The following SLC28A2 variants were observed in gnomAD, a reference collection of about 807,000 sequenced individuals.
SLC28A2 encodes the protein sodium/nucleoside cotransporter 2.
A neutral mutation model predicts 72.9 loss-of-function variants in SLC28A2; 69 were observed. The ratio of observed to expected loss-of-function variants is 0.95; its 90% CI spans 0.78 to 1.16. The LOEUF (loss-of-function observed/expected upper bound fraction) is 1.16, where lower values mean the gene tolerates loss of function less well. Ranked by LOEUF, SLC28A2 falls within the 50% of genes most tolerant of loss-of-function variation. The pLI is 0.00. For synonymous variants in SLC28A2, 296 were observed against 294.1 expected, an observed-to-expected ratio of 1.01 and a Z score of -0.07; for missense variants, 745 against 791.1, an observed-to-expected ratio of 0.94 and a Z score of 0.70.
rs755074906 is a variant in SLC28A2 at position 45,275,436 on chromosome 15, C to T, written c.1900C>T (p.Pro634Ser). ...CACCAACCCTCCTTCTTTTTCTGGT[C>T]CCTGGGAAGATAAGGAGTTCAGTGC... ...NGTNPPSFSG[P>S]WEDKEFSAMA... is the part of the protein sequence containing the mutation. The change falls in exon 18 of 18, where the codon CCC (proline) becomes TCC (serine). Residue 634 changes from proline to serine, a missense_variant. Pro to Ser is a moderately conservative substitution (Grantham distance 74). Transcript: ENST00000347644. 1 of 1,613,644 alleles carries T rather than the reference C, an allele frequency of 6.2e-7. No individual in the cohort carries two copies. Among genetic ancestry groups the T allele is most frequent in the South Asian group, 1.1e-5 (1 of 91,058 alleles).
At chr15:45,258,276 C>A (rs113183442) in intron 3 of SLC28A2, among the ~76,000 whole-genome samples, 2 of 49,266 alleles carry the variant, frequency 4.1e-5, no homozygotes. Flanking sequence ...TATTATTATT[C>A]TTAATTTATG....
intron 17 of SLC28A2, among the ~76,000 whole-genome samples, chr15:45,274,560 G>A (rs979087446): frequency 1.3e-5 from 2 of 152,138 alleles, no homozygotes; most frequent in Non-Finnish European, 2.9e-5. Context: ...TCACTACATA[G>A]CTAGATATTC....
In SLC28A2 at chr15:45,275,417, CCCT is replaced by C. The variant is rs1161973387; in HGVS notation, c.1885_1887del (p.Pro629del). 6.2e-7 allele frequency: 1 copy of C among 1,602,326 alleles called. No homozygotes were observed. Among genetic ancestry groups the C allele is most frequent in the Non-Finnish European group, 8.6e-7 (1 of 1,169,336 alleles). On this transcript the variant is annotated inframe_deletion, in exon 18 of 18. Coordinates refer to ENST00000347644, the MANE Select transcript of SLC28A2 (RefSeq NM_004212.4). ...GCAGTACTTCTCTGAATGGCACCAACCCTCCTTCTTTTTCTGGTCCCTGGGAAG... is the reference window on the plus strand; with the variant it reads ...GCAGTACTTCTCTGAATGGCACCAACCCTTCTTTTTCTGGTCCCTGGGAAG...
chr15:45,253,742 A>C, intron 3 of SLC28A2: 13 of 394,342 alleles, frequency 3.3e-5, no homozygotes, highest in Non-Finnish European at 5.1e-5. Flanking sequence ...AATAATAACA[A>C]TGGTAATAAT....
intron 13 of SLC28A2, 36 bp from the exon 14 acceptor site, chr15:45,269,302 T>A: frequency 6.3e-7 from 1 of 1,575,798 alleles, no homozygotes; most frequent in South Asian, 1.1e-5. Flanking sequence ...GTTATATTAG[T>A]CCTTCCTTTT....
chr15:45,272,499 A>G, intron 16 of SLC28A2, 106 bp downstream of exon 16: 2 of 918,298 alleles, frequency 2.2e-6, no homozygotes, highest in Non-Finnish European at 3.4e-6. Flanking sequence ...AACAAAGATT[A>G]CTTCCCTAGA....
At chr15:45,269,117 T>C (rs1437408348) in intron 13 of SLC28A2, among the ~76,000 whole-genome samples, 2 of 151,464 alleles carry the variant, frequency 1.3e-5, no homozygotes, top group Admixed American at 6.6e-5. Flanking sequence ...TGTATACATA[T>C]GTAACTAACC....
At chr15:45,270,328 T>A in intron 15 of SLC28A2, 52 bp downstream of exon 15, 1 of 1,234,152 alleles carries the variant, frequency 8.1e-7, no homozygotes, top group Non-Finnish European at 1.2e-6. Context: ...GATCCCAGCT[T>A]CTGTAGTGGG....
intron 17 of SLC28A2, among the ~76,000 whole-genome samples, chr15:45,274,777 C>G (rs1446351680): frequency 6.6e-6 from 1 of 151,122 alleles, no homozygotes; most frequent in African/African-American, 2.4e-5. Flanking sequence ...CACAGGCTCA[C>G]TCTGTTGCCC....
chr15:45,253,146 C>G, intron 1 of SLC28A2, 54 bp from the exon 2 acceptor site: 1 of 1,200,368 alleles, frequency 8.3e-7, no homozygotes, highest in Non-Finnish European at 1.2e-6. Flanking sequence ...TCTCCCCATC[C>G]CCACAGAACA....
At chr15:45,271,175 G>A (rs563115809) in intron 15 of SLC28A2, among the ~76,000 whole-genome samples, 15 of 152,342 alleles carry the variant, frequency 9.8e-5, no homozygotes, top group African/African-American at 3.4e-4. Context: ...GCATGGGGGT[G>A]ATTGTTGGAG....
At position 45,276,056 on chromosome 15, in the gene SLC28A2, A is replaced by G. The variant is rs1273467299; in HGVS notation, c.*543A>G. 6.6e-6 allele frequency: 1 copy of G among 152,408 alleles called. No homozygotes were observed. The highest frequency in any genetic ancestry group is 6.5e-5 in the Admixed American group (1 of 15,294). 9.4% of individuals were successfully genotyped at this position (152,408 alleles called of 1,614,324 possible). A position where few individuals can be genotyped will look rare whatever the true frequency, so the allele number is the denominator to read the frequency against. The stretch of plus-strand genomic sequence containing the variant: ...TGGCATTCCTCATGGGCCCTGCCTG[A>G]ACTTTCATTTGAAAAAATAAGTATT... On this transcript the variant is annotated 3_prime_UTR_variant, in exon 18 of 18. Coordinates refer to ENST00000347644, the MANE Select transcript of SLC28A2 (RefSeq NM_004212.4).
In SLC28A2 at chr15:45,264,898, A is replaced by G. The variant is rs955902255; in HGVS notation, c.702+130A>G. ...GGAAGATCTGGTTGGGAAAGGAGAGAGTGTACTAGGATACAGCTAAGAATA... is the reference window on the plus strand; with the variant it reads ...GGAAGATCTGGTTGGGAAAGGAGAGGGTGTACTAGGATACAGCTAAGAATA... On this transcript the variant is annotated intron_variant, in intron 7 of 17. Coordinates refer to ENST00000347644, the MANE Select transcript of SLC28A2 (RefSeq NM_004212.4). The G allele has an allele frequency of 2.0e-4, 146 of 737,718 alleles. 1 individual carries two copies. The highest frequency in any genetic ancestry group is 4.7e-4 in the Middle Eastern group (2 of 4,212). 45.7% of individuals were successfully genotyped at this position (737,718 alleles called of 1,614,324 possible). A position where few individuals can be genotyped will look rare whatever the true frequency, so the allele number is the denominator to read the frequency against.
intron 3 of SLC28A2, among the ~76,000 whole-genome samples, chr15:45,259,892 C>T (rs1048299498): frequency 2.0e-5 from 3 of 152,220 alleles, no homozygotes; most frequent in Non-Finnish European, 4.4e-5. Context: ...TGTATCTACT[C>T]TTGGACTAGT....
intron 17 of SLC28A2, among the ~76,000 whole-genome samples, chr15:45,273,222 C>T (rs929478236): frequency 1.1e-4 from 17 of 152,058 alleles, no homozygotes; most frequent in African/African-American, 3.6e-4. Context: ...GTAGGTTATA[C>T]GTAGACTTAG....
At position 45,267,228 on chromosome 15, in the gene SLC28A2, G is replaced by A. The variant is rs575304080; in HGVS notation, c.943-227G>A. ...AACAAGCATGTATAGAAACAGGTGA[G>A]AACTATGCCAGCCAGGACATGATTG... is the stretch of plus-strand genomic sequence containing the variant. On this transcript the variant is annotated intron_variant, in intron 10 of 17. Transcript: ENST00000347644. 3.9e-5 allele frequency among the ~76,000 whole-genome samples: 6 copies of A among 152,308 alleles called. No homozygotes were observed. In the South Asian group the frequency reaches 1.0e-3, roughly 26 times the overall value.
Position 45,276,477 on chromosome 15 carries a change from T to C in SLC28A2, c.*964T>C, listed in dbSNP as rs1319029689. The stretch of plus-strand genomic sequence containing the variant: ...CACATGTACCCTAAAACTTAAAGTA[T>C]AATAATAATAATAAAAGAAAAAACT... On this transcript the variant is annotated 3_prime_UTR_variant, in exon 18 of 18. Coordinates refer to ENST00000347644, the MANE Select transcript of SLC28A2 (RefSeq NM_004212.4). 1 of 151,014 alleles carries C rather than the reference T, an allele frequency of 6.6e-6. No homozygotes were observed. Among genetic ancestry groups the C allele is most frequent in the African/African-American group, 2.4e-5 (1 of 41,086 alleles). The allele number at this position is 151,014 out of a possible 1,614,324, so 9.4% of individuals were successfully genotyped here.
intron 13 of SLC28A2, among the ~76,000 whole-genome samples, chr15:45,268,854 C>G (rs1176231882): frequency 6.6e-6 from 1 of 151,992 alleles, no homozygotes; most frequent in Non-Finnish European, 1.5e-5. Flanking sequence ...ATGATGAGTT[C>G]ACGTCCTTTG....
At chr15:45,271,512 T>C (rs1475375840) in intron 15 of SLC28A2, among the ~76,000 whole-genome samples, 1 of 150,288 alleles carries the variant, frequency 6.7e-6, no homozygotes, top group Non-Finnish European at 1.5e-5. Context: ...CAGTAAGCTG[T>C]GATTGCACCA....
Sources: allele counts gnomAD v4.1 joint callset (sites outside exome capture counted in the v4.1 genomes callset), GRCh38; gene constraint gnomAD v4.1.1; transcripts MANE v1.5; gene names NCBI Gene and HGNC (gene_info 2026-07-23, HGNC 2026-07-21).